GGA1: variants seen among roughly 807,000 people sequenced by gnomAD.
GGA1 encodes the protein ADP-ribosylation factor-binding protein GGA1.
Under a neutral mutation model 76.9 loss-of-function variants are expected in GGA1, and 18 were observed. That is an observed-to-expected ratio of 0.23 (90% CI 0.16 to 0.35). GGA1 has a LOEUF of 0.35. GGA1 is among the 10% of genes least tolerant of loss of function. GGA1 has a pLI of 1.00. For missense variants in GGA1, 755 were observed against 859.0 expected, an observed-to-expected ratio of 0.88 and a Z score of 1.51; for synonymous variants, 342 against 354.7, an observed-to-expected ratio of 0.96 and a Z score of 0.40.
intron 4 of GGA1, 114 bp downstream of exon 4, chr22:37,618,660 C>T: frequency 3.1e-6 from 2 of 654,570 alleles, no homozygotes; most frequent in Non-Finnish European, 5.7e-6. Flanking sequence ...GGTGTCACCT[C>T]AGCCCCCCAT....
At chr22:37,631,395 T>C (rs890501405) in intron 14 of GGA1, among the ~76,000 whole-genome samples, 5 of 152,054 alleles carry the variant, frequency 3.3e-5, no homozygotes, top group African/African-American at 1.2e-4. Flanking sequence ...ACAGAGAGGT[T>C]TGGGGTCTCC....
chr22:37,621,818 CA>C, intron 7 of GGA1, 122 bp downstream of exon 7: 1 of 608,486 alleles, frequency 1.6e-6, no homozygotes, highest in Non-Finnish European at 2.8e-6. Context: ...GCTGGCACAG[CA>C]GAGAAGCTGA....
At chr22:37,631,822 G>A (rs375015987) in intron 14 of GGA1, among the ~76,000 whole-genome samples, 174 bp from the exon 15 acceptor site, 3 of 152,178 alleles carry the variant, frequency 2.0e-5, no homozygotes, top group African/African-American at 7.2e-5. Flanking sequence ...TCTGGGCACC[G>A]CTCTGTGCCC....
Position 37,608,898 on chromosome 22 carries a change from G to T in GGA1, c.38G>T (p.Arg13Leu). 7.6e-7 allele frequency: 1 copy of T among 1,314,428 alleles called. No individual in the cohort carries two copies. 81.4% of individuals were successfully genotyped at this position (1,314,428 alleles called of 1,614,324 possible). A position where few individuals can be genotyped will look rare whatever the true frequency, so the allele number is the denominator to read the frequency against. Residue 13 changes from arginine to leucine, a missense_variant, in exon 1 of 17, where the codon CGA (arginine) becomes CTA (leucine). Coordinates refer to ENST00000343632, the MANE Select transcript of GGA1 (RefSeq NM_013365.5). ...PAMEPETLEA[R>L]INRATNPLNK... ...ATGGAGCCGGAGACTCTGGAGGCGC[G>T]AATCAGTGAGTGTCCGGGAGGGGCG...
chr22:37,608,913 C>T lies in GGA1; in HGVS notation c.43+10C>T. On this transcript the variant is annotated intron_variant, in intron 1 of 16. Coordinates refer to ENST00000343632, the MANE Select transcript of GGA1 (RefSeq NM_013365.5). Reference sequence around the variant, plus strand: ...CTGGAGGCGCGAATCAGTGAGTGTCCGGGAGGGGCGCGGGCCGGACCGGAA... The same window carrying T: ...CTGGAGGCGCGAATCAGTGAGTGTCTGGGAGGGGCGCGGGCCGGACCGGAA... 2.3e-6 allele frequency: 3 copies of T among 1,309,950 alleles called. No individual in the cohort carries two copies. Among genetic ancestry groups the T allele is most frequent in the Non-Finnish European group, 2.9e-6 (3 of 1,029,656 alleles). The allele number at this position is 1,309,950 out of a possible 1,614,324, so 81.1% of individuals were successfully genotyped here. A position where few individuals can be genotyped will look rare whatever the true frequency, so the allele number is the denominator to read the frequency against.
At position 37,631,942 on chromosome 22, in the gene GGA1, G is replaced by A. The variant is rs1931873180; in HGVS notation, c.1529-54G>A. On this transcript the variant is annotated intron_variant, in intron 14 of 16. Transcript: ENST00000343632. Reference sequence around the variant, plus strand: ...GCCAGCCGGGTGGGGGCTGGGGGCTGAGCGGATGTGCTGCAGCTCAGCTGT... The same window carrying A: ...GCCAGCCGGGTGGGGGCTGGGGGCTAAGCGGATGTGCTGCAGCTCAGCTGT... 2.6e-6 allele frequency: 4 copies of A among 1,518,912 alleles called. No individual in the cohort carries two copies. In the South Asian group the frequency reaches 4.8e-5, roughly 18 times the overall value. The allele number at this position is 1,518,912 out of a possible 1,614,324, so 94.1% of individuals were successfully genotyped here.
chr22:37,628,128 C>CT (rs762033466), intron 11 of GGA1, among the ~76,000 whole-genome samples: 1 of 152,228 alleles, frequency 6.6e-6, no homozygotes, highest in Non-Finnish European at 1.5e-5. Context: ...GCGCCCACCT[C>CT]TTTTTGGTTT....
chr22:37,616,200 A>T (rs575272225), intron 2 of GGA1, among the ~76,000 whole-genome samples: 29 of 152,280 alleles, frequency 1.9e-4, no homozygotes, highest in Non-Finnish European at 3.7e-4. Context: ...GACCACAAAC[A>T]GCGGTGTGTG....
chr22:37,625,687 A>T lies in GGA1; in HGVS notation c.941-110A>T. 1.3e-6 allele frequency: 1 copy of T among 778,492 alleles called. No individual in the cohort carries two copies. The highest frequency in any genetic ancestry group is 2.0e-6 in the Non-Finnish European group (1 of 509,422). 48.2% of individuals were successfully genotyped at this position (778,492 alleles called of 1,614,324 possible). A position where few individuals can be genotyped will look rare whatever the true frequency, so the allele number is the denominator to read the frequency against. Reference sequence around the variant, plus strand: ...GTGTGGCCAAGGAAGGGGAGGCAGGAGACCAGTGGTAAAGCATCGGGGGTT... The same window carrying T: ...GTGTGGCCAAGGAAGGGGAGGCAGGTGACCAGTGGTAAAGCATCGGGGGTT... On this transcript the variant is annotated intron_variant, in intron 10 of 16. Coordinates refer to ENST00000343632, the MANE Select transcript of GGA1 (RefSeq NM_013365.5). The surrounding 1 kb of genome is among the most constrained non-coding windows in gnomAD (Gnocchi z 4.1).
Position 37,625,706 on chromosome 22 carries a change from G to T in GGA1, c.941-91G>T. The T allele has an allele frequency of 1.0e-6, 1 of 985,478 alleles. No individual in the cohort carries two copies. The highest frequency in any genetic ancestry group is 1.4e-6 in the Non-Finnish European group (1 of 690,288). 61.0% of individuals were successfully genotyped at this position (985,478 alleles called of 1,614,324 possible). A position where few individuals can be genotyped will look rare whatever the true frequency, so the allele number is the denominator to read the frequency against. On this transcript the variant is annotated intron_variant, in intron 10 of 16. Coordinates refer to ENST00000343632, the MANE Select transcript of GGA1 (RefSeq NM_013365.5). The surrounding 1 kb of genome is among the most constrained non-coding windows in gnomAD (Gnocchi z 4.1). ...GGCAGGAGACCAGTGGTAAAGCATC[G>T]GGGGTTAGGTGTTGCTCCCCCGCAA... is the stretch of plus-strand genomic sequence containing the variant.
chr22:37,618,657 C>T, intron 4 of GGA1, 111 bp downstream of exon 4: 2 of 655,704 alleles, frequency 3.1e-6, no homozygotes, highest in Non-Finnish European at 5.7e-6. Flanking sequence ...TGGGGTGTCA[C>T]CTCAGCCCCC....
Position 37,625,840 on chromosome 22 carries a change from G to C in GGA1, c.984G>C (p.Pro328=), listed in dbSNP as rs534830680. 3.1e-6 allele frequency: 5 copies of C among 1,610,872 alleles called. No individual in the cohort carries two copies. Among genetic ancestry groups the C allele is most frequent in the Non-Finnish European group, 4.2e-6 (5 of 1,178,104 alleles). The part of the protein sequence containing the change: ...ALLDLSGLDL[P]PAGTTYPAMP... Reference sequence around the variant, plus strand: ...TGGATCTCTCAGGCCTGGATCTCCCGCCTGCGGGCACCACCTACCCAGCTA... The same window carrying C: ...TGGATCTCTCAGGCCTGGATCTCCCCCCTGCGGGCACCACCTACCCAGCTA... The change falls in exon 11 of 17, where the codon CCG becomes CCC. Residue 328 remains proline (P), a synonymous_variant. Transcript: ENST00000343632. The surrounding 1 kb of genome is among the most constrained non-coding windows in gnomAD (Gnocchi z 4.1).
chr22:37,618,215 G>T, intron 3 of GGA1: 1 of 486,430 alleles, frequency 2.1e-6, no homozygotes, highest in Non-Finnish European at 3.7e-6. Flanking sequence ...CTAGAGCATT[G>T]CTACAGGTTG....
chr22:37,613,152 A>G, intron 1 of GGA1: 1 of 985,254 alleles, frequency 1.0e-6, no homozygotes, highest in Non-Finnish European at 1.2e-6. Flanking sequence ...CACCGGAGCC[A>G]CTCCCAAGGG....
chr22:37,615,710 G>A (rs1928644362), intron 2 of GGA1, among the ~76,000 whole-genome samples: 1 of 152,056 alleles, frequency 6.6e-6, no homozygotes, highest in South Asian at 2.1e-4. Flanking sequence ...GTTGCAGTGA[G>A]CCAAGATTGC....
At position 37,632,126 on chromosome 22, in the gene GGA1, G is replaced by A. The variant is rs1931919902; in HGVS notation, c.1659G>A (p.Gln553=). 1.9e-6 allele frequency: 3 copies of A among 1,613,528 alleles called. No homozygotes were observed. The highest frequency in any genetic ancestry group is 2.5e-6 in the Non-Finnish European group (3 of 1,179,894). The change falls in exon 15 of 17, where the codon CAG becomes CAA. Residue 553 remains glutamine, a synonymous_variant. Transcript: ENST00000343632. This position sits in a 1 kb window ranked among gnomAD's most constrained non-coding sequence, Gnocchi z 5.1. Reference sequence around the variant, plus strand: ...TTTCCATGCTGAGCACCGCCCCCCAGCCCATCCGCAACATCGTGTTCCAGT... The same window carrying A: ...TTTCCATGCTGAGCACCGCCCCCCAACCCATCCGCAACATCGTGTTCCAGT... The part of the protein sequence containing the change: ...VVVSMLSTAP[Q]PIRNIVFQSA...
Position 37,630,963 on chromosome 22 carries a change from C to T in GGA1, c.1392C>T (p.Ser464=). The T allele has an allele frequency of 6.2e-7, 1 of 1,613,440 alleles. No individual in the cohort carries two copies. Among genetic ancestry groups the T allele is most frequent in the Non-Finnish European group, 8.5e-7 (1 of 1,179,850 alleles). ...GGGACCTGCAGAATAAGAGCAGCAG[C>T]TGCAGCTCCCCCAGCTCCAGCGCCA... The part of the protein sequence containing the change: ...TLRDLQNKSS[S]CSSPSSSATS... Residue 464 remains serine, a synonymous_variant, in exon 14 of 17, where the codon AGC becomes AGT. Coordinates refer to ENST00000343632, the MANE Select transcript of GGA1 (RefSeq NM_013365.5).
rs752795397 is a variant in GGA1 at position 37,618,464 on chromosome 22, T to C, written c.221T>C (p.Met74Thr). The change falls in exon 4 of 17, where the codon ATG (methionine) becomes ACG (threonine). Residue 74 changes from methionine (M) to threonine (T), a missense_variant. Coordinates refer to ENST00000343632, the MANE Select transcript of GGA1 (RefSeq NM_013365.5). ...IQALTVLETC[M>T]KSCGKRFHDE... ...CCTGCACAGGTGCTGGAAACATGCATGAAGAGCTGCGGCAAGCGGTTCCAC... is the reference window on the plus strand; with the variant it reads ...CCTGCACAGGTGCTGGAAACATGCACGAAGAGCTGCGGCAAGCGGTTCCAC... 24 of 1,609,870 alleles carry C rather than the reference T, an allele frequency of 1.5e-5. No homozygotes were observed. The highest frequency in any genetic ancestry group is 1.6e-5 in the Non-Finnish European group (19 of 1,176,356).
intron 13 of GGA1, chr22:37,630,603 G>A: frequency 2.1e-6 from 1 of 475,296 alleles, no homozygotes; most frequent in Non-Finnish European, 3.7e-6. Context: ...GTCTCACCCT[G>A]TCACCCAGGC....
Sources: gnomAD v4.1 joint callset for allele counts (sites outside exome capture counted in the v4.1 genomes callset) on GRCh38, gnomAD v4.1.1 for gene constraint, Gnocchi (gnomAD v3.1) non-coding constraint, MANE v1.5 for transcripts, NCBI Gene and HGNC (gene_info 2026-07-23, HGNC 2026-07-21) for gene names.